The following TATDN3 variants were observed in gnomAD, a reference collection of about 807,000 sequenced individuals.
TATDN3 encodes TatD DNase domain containing 3.
A neutral mutation model predicts 40.1 loss-of-function variants in TATDN3; 29 were observed. The ratio of observed to expected loss-of-function variants is 0.72; its 90% CI spans 0.54 to 0.99. TATDN3 has a LOEUF of 0.99. Ranked by LOEUF, TATDN3 falls within the 50% of genes least tolerant of loss-of-function variation. The probability of loss-of-function intolerance (pLI) is 0.00; values close to 1 mark genes in which losing one functional copy is unlikely to be tolerated. For missense variants in TATDN3, 309 were observed against 321.9 expected (o/e 0.96, Z 0.31); for synonymous variants, 105 against 117.0 (o/e 0.90, Z 0.66).
intron 7 of TATDN3, among the ~76,000 whole-genome samples, chr1:212,807,008 A>G (rs927477017): frequency 4.7e-5 from 7 of 150,504 alleles, no homozygotes; most frequent in Admixed American, 2.7e-4. Context: ...CAGTGGCACA[A>G]TCTTGGCTCA....
chr1:212,797,001 G>A lies in TATDN3; in HGVS notation c.174-111G>A, dbSNP rs1248192929. 16 of 785,518 alleles carry A rather than the reference G, an allele frequency of 2.0e-5. 1 individual carries two copies. The highest frequency in any genetic ancestry group is 3.0e-5 in the Non-Finnish European group (14 of 466,924). 48.7% of individuals were successfully genotyped at this position (785,518 alleles called of 1,614,324 possible). A position where few individuals can be genotyped will look rare whatever the true frequency, so the allele number is the denominator to read the frequency against. ...TCCACCTGGTTCAGCCTCCCAAAGT[G>A]CTGGAATTACAGACATAAGCCACCA... On this transcript the variant is annotated intron_variant, in intron 3 of 9. Coordinates refer to ENST00000366974, the MANE Select transcript of TATDN3 (RefSeq NM_001042552.3).
rs997519791 is a variant in TATDN3, at chr1:212,815,338, T to G, written c.*182T>G. 1 of 650,366 alleles carries G rather than the reference T, an allele frequency of 1.5e-6. No homozygotes were observed. The highest frequency in any genetic ancestry group is 3.0e-5 in the South Asian group (1 of 33,578). 40.3% of individuals were successfully genotyped at this position (650,366 alleles called of 1,614,324 possible). On this transcript the variant is annotated 3_prime_UTR_variant, in exon 10 of 10. Coordinates refer to ENST00000366974, the MANE Select transcript of TATDN3 (RefSeq NM_001042552.3). ...GCTTGGATCCTGAAACCCTGGGTTC[T>G]GATTCTAGCCTTGTGCTGCTTTTCA... is the stretch of plus-strand genomic sequence containing the variant.
chr1:212,792,988 G>A (rs1173262771), intron 1 of TATDN3: 2 of 152,186 alleles, frequency 1.3e-5, no homozygotes, highest in East Asian at 3.8e-4. Flanking sequence ...GGGGGTGAGT[G>A]TATGCTGGTT....
At chr1:212,810,236 G>A (rs573714844) in intron 8 of TATDN3, among the ~76,000 whole-genome samples, 1 of 151,522 alleles carries the variant, frequency 6.6e-6, no homozygotes, top group African/African-American at 2.4e-5. Flanking sequence ...AAGGCAGGGC[G>A]CGGTGGCTCA....
At chr1:212,813,566 C>CTTTTTTT (rs202183479) in intron 9 of TATDN3, among the ~76,000 whole-genome samples, 15 of 130,960 alleles carry the variant, frequency 1.1e-4, no homozygotes, top group African/African-American at 1.4e-4. Flanking sequence ...TCTTTCTTTT[C>CTTTTTTT]TTTTTTTTTT....
intron 8 of TATDN3, among the ~76,000 whole-genome samples, chr1:212,809,698 AG>A (rs1662749321): frequency 6.9e-6 from 1 of 145,096 alleles, no homozygotes; most frequent in South Asian, 2.2e-4. Flanking sequence ...AAAAAAAAAA[AG>A]AAAAAAGAAA....
intron 7 of TATDN3, among the ~76,000 whole-genome samples, chr1:212,807,214 G>T (rs1207732238): frequency 6.6e-6 from 1 of 151,754 alleles, no homozygotes; most frequent in Non-Finnish European, 1.5e-5. Context: ...CAAAGTGCTG[G>T]GATTACAGAC....
intron 1 of TATDN3, among the ~76,000 whole-genome samples, chr1:212,793,425 G>T (rs1661492491): frequency 6.6e-6 from 1 of 152,028 alleles, no homozygotes; most frequent in South Asian, 2.1e-4. Flanking sequence ...TGTTGTCCAG[G>T]CTGGTCTTGA....
chr1:212,807,703 A>G, intron 7 of TATDN3, 33 bp from the exon 8 acceptor site: 1 of 1,519,072 alleles, frequency 6.6e-7, no homozygotes, highest in Non-Finnish European at 9.0e-7. Context: ...GGGACATAAA[A>G]TGGAATACTG....
Position 212,797,194 on chromosome 1 carries a change from A to C in TATDN3, c.256A>C (p.Lys86Gln). ...PPEDQRSVTL[K>Q]DLDVALPIIE... ...AGAAGACCAAAGAAGTGTCACACTAAAGGTAACAGTCATACAAAACAGGAA... is the reference window on the plus strand; with the variant it reads ...AGAAGACCAAAGAAGTGTCACACTACAGGTAACAGTCATACAAAACAGGAA... Residue 86 changes from lysine (K) to glutamine (Q), a missense_variant and splice_region_variant, in exon 4 of 10, where the codon AAG (lysine) becomes CAG (glutamine). Transcript: ENST00000366974. 6.2e-7 allele frequency: 1 copy of C among 1,612,708 alleles called. No individual in the cohort carries two copies. The highest frequency in any genetic ancestry group is 1.3e-5 in the African/African-American group (1 of 75,032).
chr1:212,813,161 G>C (rs1182226852), intron 9 of TATDN3, among the ~76,000 whole-genome samples: 1 of 152,082 alleles, frequency 6.6e-6, no homozygotes, highest in Non-Finnish European at 1.5e-5. Context: ...TTCAATACAA[G>C]TATTGATATA....
intron 1 of TATDN3, 62 bp from the exon 2 acceptor site, chr1:212,795,033 T>C: frequency 3.0e-6 from 4 of 1,319,848 alleles, no homozygotes; most frequent in East Asian, 2.3e-5. Context: ...CATTGACATA[T>C]ACAGTCCAAG....
Position 212,804,464 on chromosome 1 carries a change from G to A in TATDN3, c.431+35G>A, listed in dbSNP as rs764299182. 4.4e-6 allele frequency: 7 copies of A among 1,581,264 alleles called. No individual in the cohort carries two copies. In the East Asian group the frequency reaches 1.6e-4, roughly 35 times the overall value. On this transcript the variant is annotated intron_variant, in intron 6 of 9. Transcript: ENST00000366974. ...TTATTTTCCTATGTTAATAGCTATA[G>A]AGCAAATTAAATAATGATCAGAGTT...
chr1:212,795,401 G>A (rs1661684801), intron 2 of TATDN3, among the ~76,000 whole-genome samples: 1 of 151,554 alleles, frequency 6.6e-6, no homozygotes, highest in African/African-American at 2.4e-5. Flanking sequence ...CTCCTGAGTA[G>A]CTGGGACTAT....
chr1:212,812,801 G>C (rs1025542015), intron 9 of TATDN3, among the ~76,000 whole-genome samples: 20 of 152,226 alleles, frequency 1.3e-4, no homozygotes, highest in Non-Finnish European at 2.8e-4. Flanking sequence ...TCAGGAGTTC[G>C]AGACCAGCTT....
At chr1:212,801,036 A>C in intron 4 of TATDN3, among the ~76,000 whole-genome samples, 1 of 151,830 alleles carries the variant, frequency 6.6e-6, no homozygotes, top group East Asian at 1.9e-4. Flanking sequence ...CAAAAATTTA[A>C]AATGTTAGCC....
intron 7 of TATDN3, among the ~76,000 whole-genome samples, chr1:212,805,705 G>A (rs2102460997): frequency 6.6e-6 from 1 of 152,250 alleles, no homozygotes; most frequent in East Asian, 1.9e-4. Context: ...CAGAAATGCA[G>A]AAATACAGAT....
At chr1:212,803,985 G>A (rs1279174519) in intron 5 of TATDN3, among the ~76,000 whole-genome samples, 4 of 151,894 alleles carry the variant, frequency 2.6e-5, no homozygotes, top group Non-Finnish European at 5.9e-5. Flanking sequence ...GAAGTGAGCC[G>A]AGATCACGCC....
At chr1:212,793,370 G>A (rs112924899) in intron 1 of TATDN3, among the ~76,000 whole-genome samples, 3,257 of 152,058 alleles carry the variant, frequency 0.021, 57 homozygotes, top group Non-Finnish European at 0.034. Context: ...GTCCCACCAC[G>A]CCTGGCTAAT....
Sources: allele counts gnomAD v4.1 joint callset (sites outside exome capture counted in the v4.1 genomes callset), GRCh38; gene constraint gnomAD v4.1.1; transcripts MANE v1.5; gene names NCBI Gene and HGNC (gene_info 2026-07-23, HGNC 2026-07-21).